IFT80: variants seen among roughly 807,000 people sequenced by gnomAD.
IFT80 encodes the protein intraflagellar transport 80.
In IFT80, 79 loss-of-function variants were observed where a neutral mutation model predicts 107.9. That is an observed-to-expected ratio of 0.73 (90% confidence interval 0.61 to 0.88). The LOEUF (loss-of-function observed/expected upper bound fraction) is 0.88. Ranked by LOEUF, IFT80 falls within the 40% of genes least tolerant of loss-of-function variation. IFT80 has a pLI of 0.00. For synonymous variants in IFT80, 299 were observed against 300.9 expected (o/e 0.99, Z 0.07); for missense variants, 797 against 914.2 (o/e 0.87, Z 1.65).
intron 10 of IFT80, 36 bp from the exon 11 acceptor site, chr3:160,304,025 T>C (rs774372010): frequency 6.5e-5 from 85 of 1,316,910 alleles, no homozygotes; most frequent in Non-Finnish European, 9.0e-5. Flanking sequence ...TATTAACATT[T>C]AAAATACCAA....
At chr3:160,304,496 C>T (rs573433265) in intron 10 of IFT80, among the ~76,000 whole-genome samples, 254 of 146,422 alleles carry the variant, frequency 1.7e-3, no homozygotes, top group Middle Eastern at 7.1e-3. Context: ...AGTCCAGTGG[C>T]ACAATCTCGG....
chr3:160,396,033 C>T (rs1347265352), intron 1 of IFT80, among the ~76,000 whole-genome samples: 1 of 152,078 alleles, frequency 6.6e-6, no homozygotes, highest in African/African-American at 2.4e-5. Context: ...ATTCTTACAG[C>T]ACTACCCATT....
intron 8 of IFT80, among the ~76,000 whole-genome samples, chr3:160,331,972 G>A (rs1391618386): frequency 6.6e-6 from 1 of 151,944 alleles, no homozygotes; most frequent in East Asian, 1.9e-4. Flanking sequence ...TTGTAATTTT[G>A]TGGTTGTTGA....
At chr3:160,305,899 T>C (rs1197782939) in intron 10 of IFT80, among the ~76,000 whole-genome samples, 1 of 152,146 alleles carries the variant, frequency 6.6e-6, no homozygotes, top group Non-Finnish European at 1.5e-5. Context: ...ATTCTCTATG[T>C]CCTTTAGCTT....
chr3:160,258,717 A>T (rs1436302938), intron 19 of IFT80, 82 bp from the exon 20 acceptor site: 3 of 1,492,550 alleles, frequency 2.0e-6, no homozygotes, highest in Non-Finnish European at 2.7e-6. Flanking sequence ...AAGAGTAAAC[A>T]GATAGACTGT....
Position 160,384,630 on chromosome 3 carries a change from C to T in IFT80, c.-30G>A, listed in dbSNP as rs756912472. 8.2e-6 allele frequency: 13 copies of T among 1,587,114 alleles called. No individual in the cohort carries two copies. The Admixed American group carries it at 1.3e-4, about 16-fold the overall frequency. ...CCACTTCCAGCAAAAATTTAAGATG[C>T]CACTTGATTGTATTTACTGTAAAAA... On this transcript the variant is annotated 5_prime_UTR_variant, in exon 2 of 20. Coordinates refer to ENST00000326448, the MANE Select transcript of IFT80 (RefSeq NM_020800.3).
intron 12 of IFT80, among the ~76,000 whole-genome samples, chr3:160,296,338 T>C (rs1210878437): frequency 6.6e-6 from 1 of 152,206 alleles, no homozygotes; most frequent in Non-Finnish European, 1.5e-5. Flanking sequence ...CTCAGATTTA[T>C]CTCCAAACTT....
intron 19 of IFT80, among the ~76,000 whole-genome samples, chr3:160,259,447 A>T (rs1287092213): frequency 1.3e-5 from 2 of 152,156 alleles, no homozygotes; most frequent in Non-Finnish European, 1.5e-5. Context: ...AAAGACAGGG[A>T]TTCATTAGCT....
intron 8 of IFT80, among the ~76,000 whole-genome samples, chr3:160,327,706 C>T (rs1158437560): frequency 6.6e-6 from 1 of 152,032 alleles, no homozygotes; most frequent in Admixed American, 6.6e-5. Flanking sequence ...GGATTAAAGA[C>T]AAATGTAAAA....
chr3:160,274,745 C>G (rs1385509044), intron 18 of IFT80: 1 of 152,170 alleles, frequency 6.6e-6, no homozygotes, highest in Non-Finnish European at 1.5e-5. Flanking sequence ...TCGAGACCAG[C>G]CTGGCCAACA....
intron 12 of IFT80, among the ~76,000 whole-genome samples, chr3:160,291,241 T>C (rs1715528203): frequency 6.6e-6 from 1 of 152,240 alleles, no homozygotes; most frequent in African/African-American, 2.4e-5. Flanking sequence ...TAATTGAAAC[T>C]GCCCCTATAA....
chr3:160,328,746 C>T (rs1465947112), intron 8 of IFT80, among the ~76,000 whole-genome samples: 2 of 151,926 alleles, frequency 1.3e-5, no homozygotes, highest in Non-Finnish European at 2.9e-5. Flanking sequence ...AAATTCCTGT[C>T]GATTACAGGC....
At chr3:160,315,987 G>C (rs147552739) in intron 9 of IFT80, among the ~76,000 whole-genome samples, 1 of 152,098 alleles carries the variant, frequency 6.6e-6, no homozygotes, top group Non-Finnish European at 1.5e-5. Flanking sequence ...AATGATCCCT[G>C]CCTCCTGGTA....
chr3:160,389,779 T>C (rs1488619224), intron 1 of IFT80, among the ~76,000 whole-genome samples: 1 of 152,174 alleles, frequency 6.6e-6, no homozygotes, highest in Non-Finnish European at 1.5e-5. Context: ...TGAATAGTGC[T>C]ACAATAAACA....
At chr3:160,262,926 T>C (rs1230635038) in intron 19 of IFT80, among the ~76,000 whole-genome samples, 1 of 152,214 alleles carries the variant, frequency 6.6e-6, no homozygotes, top group African/African-American at 2.4e-5. Context: ...TATACCTAGA[T>C]GGTCAAGGCA....
intron 8 of IFT80, among the ~76,000 whole-genome samples, chr3:160,330,616 A>G (rs1230616672): frequency 1.3e-5 from 2 of 152,162 alleles, no homozygotes; most frequent in Non-Finnish European, 2.9e-5. Flanking sequence ...GCCCGACCCC[A>G]GAGTGTCTGA....
rs772598058 is a variant in IFT80 at position 160,356,180 on chromosome 3, T to C, written c.640-30A>G. On this transcript the variant is annotated intron_variant, in intron 7 of 19. Coordinates refer to ENST00000326448, the MANE Select transcript of IFT80 (RefSeq NM_020800.3). The stretch of plus-strand genomic sequence containing the variant: ...AAAAGCAATTTTTAAAAATCTTTTA[T>C]AATATCAGGGAGAAGTTTGCAAAAA... The C allele has an allele frequency of 7.7e-5, 123 of 1,604,616 alleles. No individual in the cohort carries two copies. The South Asian group carries it at 1.1e-3, about 15-fold the overall frequency.
intron 10 of IFT80, among the ~76,000 whole-genome samples, chr3:160,306,580 G>T (rs1716843006): frequency 6.6e-6 from 1 of 151,038 alleles, no homozygotes; most frequent in African/African-American, 2.4e-5. Context: ...TTGCTCTCAT[G>T]TAAGGAAAAA....
At chr3:160,372,838 A>T in intron 5 of IFT80, among the ~76,000 whole-genome samples, 1 of 152,200 alleles carries the variant, frequency 6.6e-6, no homozygotes, top group East Asian at 1.9e-4. Flanking sequence ...AATCAACTGT[A>T]TTATATGGTA....
Sources: allele counts gnomAD v4.1 joint callset (sites outside exome capture counted in the v4.1 genomes callset), GRCh38; gene constraint gnomAD v4.1.1; transcripts MANE v1.5; gene names NCBI Gene and HGNC (gene_info 2026-07-23, HGNC 2026-07-21).